The following SLC16A5 variants were observed in gnomAD, a reference collection of about 807,000 sequenced individuals.
The protein encoded by SLC16A5 is solute carrier family 16 member 5.
In SLC16A5, 29 loss-of-function variants were observed where a neutral mutation model predicts 33.2. The ratio of observed to expected loss-of-function variants is 0.87; its 90% CI spans 0.65 to 1.19. The LOEUF (loss-of-function observed/expected upper bound fraction) is 1.19, where lower values mean the gene tolerates loss of function less well. SLC16A5 is among the 50% of genes most tolerant of loss of function. SLC16A5 has a pLI of 0.00. For missense variants in SLC16A5, 606 were observed against 678.2 expected (o/e 0.89, Z 1.18); for synonymous variants, 248 against 284.1 (o/e 0.87, Z 1.28).
At chr17:75,098,216 C>A (rs781276728) in intron 4 of SLC16A5, 35 bp downstream of exon 4, 1 of 1,609,994 alleles carries the variant, frequency 6.2e-7, no homozygotes, top group Non-Finnish European at 8.5e-7. Flanking sequence ...TTTATAGGCA[C>A]CTGCTAGAAA....
chr17:75,095,453 C>T (rs956742195), intron 3 of SLC16A5, among the ~76,000 whole-genome samples: 18 of 152,224 alleles, frequency 1.2e-4, no homozygotes, highest in African/African-American at 3.9e-4. Context: ...TGTATGAGCC[C>T]GTGCTCATTC....
At position 75,104,083 on chromosome 17, in the gene SLC16A5, G is replaced by A. The variant is rs747551881; in HGVS notation, c.1267G>A (p.Glu423Lys). Residue 423 changes from glutamate to lysine, a missense_variant, in exon 6 of 7, where the codon GAG (glutamate) becomes AAG (lysine). Coordinates refer to ENST00000329783, the MANE Select transcript of SLC16A5 (RefSeq NM_004695.4). The part of the protein sequence containing the change: ...GGSFYALQKK[E>K]QGKQAVAADA... Reference sequence around the variant, plus strand: ...CAGCTTCTACGCCCTGCAGAAGAAGGAGCAAGGCAAGCAGGCTGTCGCGGC... The same window carrying A: ...CAGCTTCTACGCCCTGCAGAAGAAGAAGCAAGGCAAGCAGGCTGTCGCGGC... 8 of 1,614,190 alleles carry A rather than the reference G, an allele frequency of 5.0e-6. No homozygotes were observed. The South Asian group carries it at 7.7e-5, about 16-fold the overall frequency.
chr17:75,095,311 G>C (rs2073702574), intron 3 of SLC16A5, among the ~76,000 whole-genome samples: 1 of 152,176 alleles, frequency 6.6e-6, no homozygotes, highest in African/African-American at 2.4e-5. Context: ...TGGGCCAGGG[G>C]CTAGGAACCG....
At position 75,091,186 on chromosome 17, in the gene SLC16A5, G is replaced by A. The variant is rs1439635958; in HGVS notation, c.-49+1882G>A. On this transcript the variant is annotated intron_variant, in intron 2 of 6. Transcript: ENST00000329783. ...GCCTTTCCGGGAGGAAGAGGTGAGAGTATCAAGTGGGAGAGCGGAAGAGCT... is the reference window on the plus strand; with the variant it reads ...GCCTTTCCGGGAGGAAGAGGTGAGAATATCAAGTGGGAGAGCGGAAGAGCT... 4.6e-5 allele frequency among the ~76,000 whole-genome samples: 7 copies of A among 152,198 alleles called. No individual in the cohort carries two copies. The East Asian group carries it at 7.7e-4, about 17-fold the overall frequency.
chr17:75,089,992 CTT>C, intron 2 of SLC16A5: 1 of 152,032 alleles, frequency 6.6e-6, no homozygotes, highest in East Asian at 1.9e-4. Flanking sequence ...TGAATTTTTT[CTT>C]TTTTTCTTTT....
At chr17:75,105,078 G>A in intron 6 of SLC16A5, 6 of 985,320 alleles carry the variant, frequency 6.1e-6, no homozygotes, top group Non-Finnish European at 7.2e-6. Context: ...AAGGCTGGTG[G>A]TGCAGCTGCC....
downstream of SLC16A5, among the ~76,000 whole-genome samples, chr17:75,107,336 A>G (rs1353550301): frequency 1.3e-5 from 2 of 152,192 alleles, no homozygotes; most frequent in Admixed American, 1.3e-4. Flanking sequence ...AATGTTCTGC[A>G]TAGGAAACTT....
At chr17:75,093,417 G>T (rs1419315373) in intron 2 of SLC16A5, 172 bp from the exon 3 acceptor site, 9 of 1,535,780 alleles carry the variant, frequency 5.9e-6, no homozygotes, top group Non-Finnish European at 7.0e-6. Flanking sequence ...GAAAGGAGAT[G>T]CCAAGGCCAA....
At position 75,100,557 on chromosome 17, in the gene SLC16A5, G is replaced by GGCCT; in HGVS notation, c.895_898dup (p.Phe300CysfsTer4). 1 of 1,614,214 alleles carries GGCCT rather than the reference G, an allele frequency of 6.2e-7. No homozygotes were observed. The highest frequency in any genetic ancestry group is 8.5e-7 in the Non-Finnish European group (1 of 1,180,046). On this transcript the variant is annotated frameshift_variant, in exon 5 of 7. Transcript: ENST00000329783. LOFTEE classifies it high-confidence loss of function. ...TAGCCGGGCTGATGGCAGGACGGCC[G>GGCCT]GCCTTTGCTAGCCACCGCAAGTACC...
chr17:75,096,321 G>A (rs950274945), intron 3 of SLC16A5, among the ~76,000 whole-genome samples: 3 of 151,324 alleles, frequency 2.0e-5, no homozygotes, highest in Non-Finnish European at 4.4e-5. Flanking sequence ...CTGGCCTGCA[G>A]CCCAGTCCCC....
intron 6 of SLC16A5, 157 bp downstream of exon 6, chr17:75,104,337 T>C: frequency 2.1e-6 from 3 of 1,438,460 alleles, no homozygotes; most frequent in South Asian, 1.5e-5. Flanking sequence ...AAGCCCGGGC[T>C]GTCCAGGCTC....
chr17:75,102,244 T>G lies in SLC16A5; in HGVS notation c.1153+1428T>G, dbSNP rs1028174855. Among the ~76,000 whole-genome samples the G allele has an allele frequency of 2.0e-5, 3 of 152,192 alleles. No individual in the cohort carries two copies. In the East Asian group the frequency reaches 5.8e-4, roughly 29 times the overall value. ...CAACATGGTGAAACCCCATCTCTAC[T>G]AAAAATACAAAAAATTAGCCGGGTG... is the stretch of plus-strand genomic sequence containing the variant. On this transcript the variant is annotated intron_variant, in intron 5 of 6. Transcript: ENST00000329783.
At chr17:75,087,913 A>G (rs28610064), upstream of SLC16A5, 19,395 of 151,968 alleles carry the variant, frequency 0.13, 2,767 homozygotes, top group African/African-American at 0.35. Context: ...CCCCGCCCAC[A>G]CCGCCCTGGG....
At position 75,105,445 on chromosome 17, in the gene SLC16A5, G is replaced by A. The variant is rs571638284; in HGVS notation, c.1365-435G>A. ...TTTTACTCCCCATTCCTGTCCTCCA[G>A]AGGCCCCCCTTTTCCCTGCCGTGTT... On this transcript the variant is annotated intron_variant, in intron 6 of 6. Transcript: ENST00000329783. 287 of 985,394 alleles carry A rather than the reference G, an allele frequency of 2.9e-4. 2 individuals are homozygous for A. The African/African-American group carries it at 4.7e-3, about 16-fold the overall frequency. 61.0% of individuals were successfully genotyped at this position (985,394 alleles called of 1,614,324 possible). A position where few individuals can be genotyped will look rare whatever the true frequency, so the allele number is the denominator to read the frequency against.
At chr17:75,103,594 C>T (rs140848562) in intron 5 of SLC16A5, among the ~76,000 whole-genome samples, 7,430 of 152,224 alleles carry the variant, frequency 0.049, 221 homozygotes, top group African/African-American at 0.087. Flanking sequence ...TCCCAAAGTG[C>T]TGGGATTACA....
At chr17:75,109,262 G>A (rs983662377), downstream of SLC16A5, among the ~76,000 whole-genome samples, 5 of 152,126 alleles carry the variant, frequency 3.3e-5, no homozygotes, top group African/African-American at 1.2e-4. The surrounding 1 kb of genome is among the most constrained non-coding windows in gnomAD (Gnocchi z 5.0). Context: ...CCATCCACCC[G>A]GCTGACAAAA....
At chr17:75,095,594 C>T (rs1405881062) in intron 3 of SLC16A5, among the ~76,000 whole-genome samples, 2 of 152,034 alleles carry the variant, frequency 1.3e-5, no homozygotes, top group Non-Finnish European at 2.9e-5. Context: ...ACCTCTCAAG[C>T]TCAAGCGATC....
Position 75,100,748 on chromosome 17 carries a change from TCC to T in SLC16A5, c.1088_1089del (p.Pro363GlnfsTer32). 1 of 1,613,942 alleles carries T rather than the reference TCC, an allele frequency of 6.2e-7. No individual in the cohort carries two copies. The highest frequency in any genetic ancestry group is 1.6e-4 in the Middle Eastern group (1 of 6,062). On this transcript the variant is annotated frameshift_variant, in exon 5 of 7. Transcript: ENST00000329783. LOFTEE classifies it high-confidence loss of function. ...ATGGACATCGTCCCCATGGATCAGT[TCC>T]CCAGAGCCCTGGGACTCTTCACTGT...
chr17:75,105,382 CTG>C (rs1330993895), intron 6 of SLC16A5: 22 of 985,336 alleles, frequency 2.2e-5, no homozygotes, highest in Non-Finnish European at 2.5e-5. Context: ...AGCCCGAAGA[CTG>C]TTGTGAAAAT....
Sources: gnomAD v4.1 joint callset for allele counts (sites outside exome capture counted in the v4.1 genomes callset) on GRCh38, gnomAD v4.1.1 for gene constraint, Gnocchi (gnomAD v3.1) non-coding constraint, MANE v1.5 for transcripts, NCBI Gene and HGNC (gene_info 2026-07-23, HGNC 2026-07-21) for gene names.